PLCG2: variants seen among roughly 807,000 people sequenced by gnomAD.
The protein encoded by PLCG2 is phospholipase C gamma 2, also known as 1-phosphatidylinositol 4,5-bisphosphate phosphodiesterase gamma-2.
In PLCG2, 69 loss-of-function variants were observed where a neutral mutation model predicts 175.6. That is an observed-to-expected ratio of 0.39 (90% CI 0.32 to 0.48). PLCG2 has a LOEUF of 0.48. Ranked by LOEUF, PLCG2 falls within the 20% of genes least tolerant of loss-of-function variation. The pLI is 0.91. For synonymous variants in PLCG2, 827 were observed against 624.0 expected (o/e 1.33, Z -4.85); for missense variants, 1,798 against 1,650.9 (o/e 1.09, Z -1.54).
chr16:81,833,880 C>A (rs1016715160), intron 2 of PLCG2, among the ~76,000 whole-genome samples: 2 of 152,118 alleles, frequency 1.3e-5, no homozygotes, highest in Admixed American at 6.6e-5. Flanking sequence ...TTGCCTTTGG[C>A]GATGGGAGTG....
At chr16:81,802,490 T>C (rs1343129964) in intron 2 of PLCG2, among the ~76,000 whole-genome samples, 1 of 152,118 alleles carries the variant, frequency 6.6e-6, no homozygotes, top group Non-Finnish European at 1.5e-5. Flanking sequence ...TTAGTAGATA[T>C]GTGATATTGA....
At chr16:81,773,385 C>T (rs78410527) in intron 2 of PLCG2, among the ~76,000 whole-genome samples, 3 of 152,162 alleles carry the variant, frequency 2.0e-5, no homozygotes, top group Non-Finnish European at 1.5e-5. Flanking sequence ...AGACTCCAGA[C>T]ATGAGAACGA....
chr16:81,920,849 C>A (rs921041961), intron 20 of PLCG2, among the ~76,000 whole-genome samples: 11 of 152,192 alleles, frequency 7.2e-5, no homozygotes, highest in Admixed American at 5.2e-4. Flanking sequence ...TGTCGTTGAA[C>A]CTGGAACGTG....
At chr16:81,815,057 A>G (rs1400720527) in intron 2 of PLCG2, among the ~76,000 whole-genome samples, 1 of 152,222 alleles carries the variant, frequency 6.6e-6, no homozygotes, top group Admixed American at 6.5e-5. Context: ...GCAAAACCAG[A>G]GTTGCTGAAG....
chr16:81,908,620 CCTT>C (rs1471597059), intron 17 of PLCG2, 29 bp downstream of exon 17: 8 of 1,574,692 alleles, frequency 5.1e-6, no homozygotes, highest in African/African-American at 4.0e-5. Context: ...GGAACGCCTA[CCTT>C]CTTCTCCATG....
At chr16:81,793,771 C>T (rs1911343422) in intron 2 of PLCG2, among the ~76,000 whole-genome samples, 1 of 152,138 alleles carries the variant, frequency 6.6e-6, no homozygotes, top group Non-Finnish European at 1.5e-5. Context: ...CTCCTTAATC[C>T]CCGCAGTGGT....
At chr16:81,754,356 C>T (rs1304821223) in intron 1 of PLCG2, among the ~76,000 whole-genome samples, 3 of 72,742 alleles carry the variant, frequency 4.1e-5, no homozygotes, top group Non-Finnish European at 8.3e-5. Flanking sequence ...CCACCTCCTC[C>T]CCTCCCCTCC....
intron 24 of PLCG2, among the ~76,000 whole-genome samples, chr16:81,929,343 C>T (rs1760015962): frequency 1.3e-5 from 2 of 152,238 alleles, no homozygotes; most frequent in Admixed American, 1.3e-4. Context: ...TGACAGCAGC[C>T]CCAGGAACTT....
chr16:81,890,630 G>T (rs933782145), intron 10 of PLCG2, among the ~76,000 whole-genome samples: 2 of 152,182 alleles, frequency 1.3e-5, no homozygotes, highest in African/African-American at 4.8e-5. Context: ...TGGTCAGAAT[G>T]GTTGCCTTTG....
At chr16:81,938,737 A>G in intron 28 of PLCG2, 64 bp from the exon 29 acceptor site, 2 of 937,794 alleles carry the variant, frequency 2.1e-6, no homozygotes, top group Non-Finnish European at 3.4e-6. Context: ...CCCAGCTGCA[A>G]TCCACGCTAG....
chr16:81,907,833 AG>A (rs1909444800), intron 16 of PLCG2, 59 bp downstream of exon 16: 1 of 1,268,248 alleles, frequency 7.9e-7, no homozygotes, highest in African/African-American at 1.5e-5. Flanking sequence ...AGGACCAGCC[AG>A]TCCCCGGGAC....
At position 81,880,935 on chromosome 16, in the gene PLCG2, C is replaced by A; in HGVS notation, c.674C>A (p.Ser225Ter). Residue 225 changes from serine (S) to a stop codon, truncating the protein, a stop_gained, in exon 8 of 33, where the codon TCG becomes TAG. Coordinates refer to ENST00000564138, the MANE Select transcript of PLCG2 (RefSeq NM_002661.5). LOFTEE classifies it high-confidence loss of function. ...KSILDEFKKD[S>*]SVFILGNTDR... ...ATTCTCGATGAATTCAAAAAGGATTCGTCCGTGTTCATCCTGGGGTGAGGC... is the reference window on the plus strand; with the variant it reads ...ATTCTCGATGAATTCAAAAAGGATTAGTCCGTGTTCATCCTGGGGTGAGGC... 1 of 1,614,100 alleles carries A rather than the reference C, an allele frequency of 6.2e-7. No homozygotes were observed. The highest frequency in any genetic ancestry group is 8.5e-7 in the Non-Finnish European group (1 of 1,179,970).
Position 81,884,345 on chromosome 16 carries a change from C to T in PLCG2, c.765+1004C>T, listed in dbSNP as rs893669752. On this transcript the variant is annotated intron_variant, in intron 9 of 32. Coordinates refer to ENST00000564138, the MANE Select transcript of PLCG2 (RefSeq NM_002661.5). ...CAGCCTGGGCAACAGAGCAAGACTCCGTCTCAGAAAACAAAAAACAAAAAC... is the reference window on the plus strand; with the variant it reads ...CAGCCTGGGCAACAGAGCAAGACTCTGTCTCAGAAAACAAAAAACAAAAAC... Among the ~76,000 whole-genome samples, 116 of 151,384 alleles carry T rather than the reference C, an allele frequency of 7.7e-4. 1 individual carries two copies. The highest frequency in any genetic ancestry group is 2.9e-4 in the African/African-American group (12 of 41,098).
At chr16:81,927,373 C>T (rs1016096033) in intron 23 of PLCG2, among the ~76,000 whole-genome samples, 195 bp downstream of exon 23, 3 of 152,050 alleles carry the variant, frequency 2.0e-5, no homozygotes, top group East Asian at 1.9e-4. Flanking sequence ...TGTGACAAGC[C>T]GGCCGTGTTT....
At chr16:81,801,189 C>T (rs758691178) in intron 2 of PLCG2, among the ~76,000 whole-genome samples, 71 of 152,246 alleles carry the variant, frequency 4.7e-4, no homozygotes, top group African/African-American at 9.6e-4. Context: ...CCCCCAACCC[C>T]GCAACCAACT....
intron 2 of PLCG2, among the ~76,000 whole-genome samples, chr16:81,762,949 C>G (rs543055036): frequency 2.6e-5 from 4 of 152,092 alleles, no homozygotes; most frequent in Non-Finnish European, 5.9e-5. Context: ...CCCAGCTACT[C>G]AGGAGACTGA....
chr16:81,871,257 G>T (rs890800365), intron 7 of PLCG2, among the ~76,000 whole-genome samples: 2 of 152,190 alleles, frequency 1.3e-5, no homozygotes, highest in Non-Finnish European at 2.9e-5. Flanking sequence ...ATTTCATTCT[G>T]AAAGGAAATT....
chr16:81,917,529 C>T (rs990135187), intron 19 of PLCG2, among the ~76,000 whole-genome samples: 3 of 152,126 alleles, frequency 2.0e-5, no homozygotes, highest in African/African-American at 7.2e-5. Flanking sequence ...GCAGGGGTCC[C>T]CTTTTCTCCA....
chr16:81,940,159 G>C, intron 30 of PLCG2, 100 bp downstream of exon 30: 1 of 1,089,378 alleles, frequency 9.2e-7, no homozygotes, highest in Non-Finnish European at 1.4e-6. Flanking sequence ...TTCCTGGTTT[G>C]GATGGAATCA....
Sources: gnomAD v4.1 joint callset for allele counts (sites outside exome capture counted in the v4.1 genomes callset) on GRCh38, gnomAD v4.1.1 for gene constraint, MANE v1.5 for transcripts, NCBI Gene and HGNC (gene_info 2026-07-23, HGNC 2026-07-21) for gene names.